Variants in COL12A1 observed in about 807,000 individuals in gnomAD.
COL12A1 encodes collagen type XII alpha 1 chain, also known as collagen alpha-1(XII) chain.
A neutral mutation model predicts 349.7 loss-of-function variants in COL12A1; 114 were observed. The observed-to-expected ratio is 0.33, with a 90% CI of 0.28 to 0.38. The LOEUF (loss-of-function observed/expected upper bound fraction) is 0.38. Among genes scored for constraint, COL12A1 ranks in the 10% least tolerant of loss-of-function variants. The pLI is 1.00. For synonymous variants in COL12A1, 1,369 were observed against 1,329.0 expected (o/e 1.03, Z -0.66); for missense variants, 3,284 against 3,756.9 (o/e 0.87, Z 3.29).
intron 14 of COL12A1, among the ~76,000 whole-genome samples, chr6:75,158,424 C>T (rs1374131871): frequency 1.3e-5 from 2 of 152,118 alleles, no homozygotes; most frequent in African/African-American, 4.8e-5. Context: ...CCTGCCAGAC[C>T]TTAATCTTGA....
intron 38 of COL12A1, among the ~76,000 whole-genome samples, chr6:75,126,907 G>GT (rs1242354311): frequency 6.6e-6 from 1 of 151,956 alleles, no homozygotes; most frequent in Admixed American, 6.6e-5. Flanking sequence ...ACCTAATAAT[G>GT]TTTTTTCCCT....
At chr6:75,146,345 C>T in intron 23 of COL12A1, 101 bp from the exon 24 acceptor site, 2 of 1,233,492 alleles carry the variant, frequency 1.6e-6, no homozygotes, top group Non-Finnish European at 2.1e-6. Context: ...ATATACTAGA[C>T]AGTGGGTTAC....
At chr6:75,192,436 A>G in intron 3 of COL12A1, 81 bp from the exon 4 acceptor site, 1 of 1,291,022 alleles carries the variant, frequency 7.7e-7, no homozygotes, top group Non-Finnish European at 1.1e-6. Flanking sequence ...TCCCAGAGGT[A>G]CTCAAAATCT....
At chr6:75,091,075 C>A (rs1767738233) in intron 62 of COL12A1, among the ~76,000 whole-genome samples, 1 of 152,108 alleles carries the variant, frequency 6.6e-6, no homozygotes, top group Non-Finnish European at 1.5e-5. Context: ...CTTAAAATAT[C>A]TGATGTCTTA....
chr6:75,192,211 C>T lies in COL12A1; in HGVS notation c.334+1G>A, dbSNP rs1157488856. On this transcript the variant is annotated splice_donor_variant, in intron 4 of 65. Coordinates refer to ENST00000322507, the MANE Select transcript of COL12A1 (RefSeq NM_004370.6). LOFTEE classifies it high-confidence loss of function. Reference sequence around the variant, plus strand: ...ATATTTTATTTTATATGTGTGCTTACTTGTTAGTTGTCCTATAACTGGTAC... The same window carrying T: ...ATATTTTATTTTATATGTGTGCTTATTTGTTAGTTGTCCTATAACTGGTAC... 2 of 1,565,986 alleles carry T rather than the reference C, an allele frequency of 1.3e-6. No homozygotes were observed. Among genetic ancestry groups the T allele is most frequent in the African/African-American group, 2.7e-5 (2 of 73,430 alleles).
At chr6:75,146,742 A>G (rs1179521123) in intron 23 of COL12A1, among the ~76,000 whole-genome samples, 1 of 152,222 alleles carries the variant, frequency 6.6e-6, no homozygotes, top group African/African-American at 2.4e-5. Context: ...GAAAAAGTTT[A>G]CAATCTCCCT....
chr6:75,085,565 A>G lies in COL12A1; in HGVS notation c.*982T>C. Reference sequence around the variant, plus strand: ...TGAAATGGCACTTTCTTAAAAAAAAAAACCTTCAAAAATCCAGCAGTAAAC... The same window carrying G: ...TGAAATGGCACTTTCTTAAAAAAAAGAACCTTCAAAAATCCAGCAGTAAAC... On this transcript the variant is annotated 3_prime_UTR_variant, in exon 66 of 66. Coordinates refer to ENST00000322507, the MANE Select transcript of COL12A1 (RefSeq NM_004370.6). The G allele has an allele frequency of 3.1e-6, 1 of 324,408 alleles. No homozygotes were observed. Among genetic ancestry groups the G allele is most frequent in the South Asian group, 2.5e-5 (1 of 40,178 alleles). The allele number at this position is 324,408 out of a possible 1,614,324, so 20.1% of individuals were successfully genotyped here.
chr6:75,189,228 A>G lies in COL12A1; in HGVS notation c.812T>C (p.Val271Ala). The stretch of plus-strand genomic sequence containing the variant: ...TGAACTTAACCTACCCAAGGAGAAA[A>G]CTTCAACTCCAACATTACGAAGCTC... ...ARELRNVGVE[V>A]FSLGIKAADA... The change falls in exon 7 of 66, where the codon GTT becomes GCT. Residue 271 changes from valine to alanine, a missense_variant. By Grantham distance (64) the Val-to-Ala change is moderately conservative. Transcript: ENST00000322507. 1 of 1,612,736 alleles carries G rather than the reference A, an allele frequency of 6.2e-7. No individual in the cohort carries two copies. Among genetic ancestry groups the G allele is most frequent in the Non-Finnish European group, 8.5e-7 (1 of 1,179,288 alleles).
chr6:75,127,165 T>A (rs572571044), intron 38 of COL12A1, among the ~76,000 whole-genome samples: 1 of 152,242 alleles, frequency 6.6e-6, no homozygotes, highest in Non-Finnish European at 1.5e-5. Flanking sequence ...AAAATCCACT[T>A]TGATAGCATG....
chr6:75,117,346 A>T, intron 47 of COL12A1, 36 bp downstream of exon 47: 1 of 1,601,508 alleles, frequency 6.2e-7, no homozygotes, highest in Non-Finnish European at 8.5e-7. Flanking sequence ...TTTTCAGAAT[A>T]AGTGAGGTTA....
intron 21 of COL12A1, among the ~76,000 whole-genome samples, chr6:75,149,600 A>G (rs2149412611): frequency 6.6e-6 from 1 of 152,236 alleles, no homozygotes; most frequent in Admixed American, 6.6e-5. Context: ...TAACAGGAAA[A>G]TGGCCCAAAT....
At chr6:75,166,046 T>G (rs533834914) in intron 13 of COL12A1, among the ~76,000 whole-genome samples, 1 of 152,220 alleles carries the variant, frequency 6.6e-6, no homozygotes, top group East Asian at 1.9e-4. Context: ...AGGACAAGAT[T>G]GACATCCAAA....
At chr6:75,118,944 C>G in intron 46 of COL12A1, 99 bp downstream of exon 46, 1 of 1,519,304 alleles carries the variant, frequency 6.6e-7, no homozygotes, top group Non-Finnish European at 9.0e-7. Context: ...GAAACAGAAA[C>G]AATAAAGTAA....
intron 25 of COL12A1, among the ~76,000 whole-genome samples, chr6:75,143,970 A>T (rs1767047863): frequency 6.6e-6 from 1 of 152,032 alleles, no homozygotes. Context: ...GAATGAGGAG[A>T]TTTTCTCCTG....
chr6:75,193,572 T>C (rs1487594693), intron 3 of COL12A1, among the ~76,000 whole-genome samples: 1 of 152,170 alleles, frequency 6.6e-6, no homozygotes, highest in Non-Finnish European at 1.5e-5. Context: ...TTTCTTTCTT[T>C]GTTTTTTTTA....
At chr6:75,183,711 T>C (rs1195917019) in intron 9 of COL12A1, 59 bp from the exon 10 acceptor site, 2 of 1,537,902 alleles carry the variant, frequency 1.3e-6, no homozygotes, top group East Asian at 2.3e-5. Flanking sequence ...AAAATATACA[T>C]ATCTAGCTTT....
At position 75,143,287 on chromosome 6, in the gene COL12A1, C is replaced by T; in HGVS notation, c.4792G>A (p.Val1598Ile). 1 of 1,613,874 alleles carries T rather than the reference C, an allele frequency of 6.2e-7. No individual in the cohort carries two copies. Among genetic ancestry groups the T allele is most frequent in the Non-Finnish European group, 8.5e-7 (1 of 1,179,898 alleles). The change falls in exon 26 of 66, where the codon GTT becomes ATT. Residue 1598 changes from valine (V) to isoleucine (I), a missense_variant. Val to Ile is a conservative substitution (Grantham distance 29). Around this residue, in one of 2 missense-constraint regions of COL12A1, gnomAD observed 2,601 missense variants for 2,824.8 expected, o/e 0.92. Coordinates refer to ENST00000322507, the MANE Select transcript of COL12A1 (RefSeq NM_004370.6). ...TCCTCTTCTGGTGTTTTGTATCGAA[C>T]AATATATTTACGCACTTTTCCAGGC... ...PVPGKVRKYIVRYKTPEEDVK... is the reference protein window; with the variant it reads ...PVPGKVRKYIIRYKTPEEDVK...
At chr6:75,198,612 T>C (rs1279470543) in intron 2 of COL12A1, among the ~76,000 whole-genome samples, 1 of 152,208 alleles carries the variant, frequency 6.6e-6, no homozygotes, top group East Asian at 1.9e-4. Flanking sequence ...AAAACTAAAG[T>C]GTCCATCTTG....
intron 59 of COL12A1, among the ~76,000 whole-genome samples, chr6:75,096,986 G>C (rs12665567): frequency 6.6e-6 from 1 of 151,306 alleles, no homozygotes; most frequent in African/African-American, 2.4e-5. Context: ...TAGGGATGAA[G>C]AAACTGAGGC....
Sources: allele counts gnomAD v4.1 joint callset (sites outside exome capture counted in the v4.1 genomes callset), GRCh38; gene constraint gnomAD v4.1.1; regional missense constraint gnomAD v4.1.1; transcripts MANE v1.5; gene names NCBI Gene and HGNC (gene_info 2026-07-23, HGNC 2026-07-21).